The following ADAMTS6 variants were observed in gnomAD, a reference collection of about 807,000 sequenced individuals.
ADAMTS6 encodes the protein ADAM metallopeptidase with thrombospondin type 1 motif 6.
A neutral mutation model predicts 144.3 loss-of-function variants in ADAMTS6; 23 were observed. The ratio of observed to expected loss-of-function variants is 0.16; its 90% CI spans 0.11 to 0.23. The LOEUF (loss-of-function observed/expected upper bound fraction) is 0.23, where lower values mean the gene tolerates loss of function less well. ADAMTS6 is among the 10% of genes least tolerant of loss of function. ADAMTS6 has a pLI of 1.00. For missense variants in ADAMTS6, 999 were observed against 1,379.6 expected (o/e 0.72, Z 4.37); for synonymous variants, 444 against 457.5 (o/e 0.97, Z 0.38).
chr5:65,448,493 C>T lies in ADAMTS6; in HGVS notation c.1073+2982G>A, dbSNP rs896593786. ...TTTTTTTTTTTTGCTCTCTCTGTCACCCAGGCTGGAGTGCAGTTGTGCGAT... is the reference window on the plus strand; with the variant it reads ...TTTTTTTTTTTTGCTCTCTCTGTCATCCAGGCTGGAGTGCAGTTGTGCGAT... On this transcript the variant is annotated intron_variant, in intron 7 of 24. Transcript: ENST00000381055. Among the ~76,000 whole-genome samples, 7 of 151,772 alleles carry T rather than the reference C, an allele frequency of 4.6e-5. No homozygotes were observed. In the South Asian group the frequency reaches 1.0e-3, roughly 23 times the overall value.
chr5:65,362,832 A>G (rs1041292367), intron 7 of ADAMTS6, among the ~76,000 whole-genome samples: 1 of 152,242 alleles, frequency 6.6e-6, no homozygotes, highest in Non-Finnish European at 1.5e-5. Flanking sequence ...GCAATCAAAT[A>G]GAGCTATCCT....
intron 14 of ADAMTS6, among the ~76,000 whole-genome samples, chr5:65,252,599 CTAATT>C (rs926434829): frequency 3.3e-5 from 5 of 150,760 alleles, no homozygotes; most frequent in African/African-American, 1.2e-4. Context: ...CTCTGATCTT[CTAATT>C]TATTATATTT....
intron 14 of ADAMTS6, among the ~76,000 whole-genome samples, chr5:65,259,682 GA>G (rs559732822): frequency 1.8e-3 from 278 of 152,254 alleles, no homozygotes; most frequent in African/African-American, 6.4e-3. Context: ...AGTCTTTTGA[GA>G]AATTTTGTTT....
chr5:65,188,350 G>T, intron 21 of ADAMTS6, 130 bp from the exon 22 acceptor site: 2 of 829,444 alleles, frequency 2.4e-6, no homozygotes, highest in South Asian at 1.7e-5. Context: ...AAGACAAATG[G>T]CAAATGAAAG....
chr5:65,421,874 GA>G (rs1368559286), intron 7 of ADAMTS6, among the ~76,000 whole-genome samples: 1 of 152,064 alleles, frequency 6.6e-6, no homozygotes, highest in East Asian at 1.9e-4. Flanking sequence ...GAAAACCTAG[GA>G]AAAACTCTTA....
In ADAMTS6 at chr5:65,188,147, T is replaced by C. The variant is rs775661117; in HGVS notation, c.2779A>G (p.Ile927Val). The C allele has an allele frequency of 5.0e-6, 8 of 1,614,062 alleles. No individual in the cohort carries two copies. Among genetic ancestry groups the C allele is most frequent in the South Asian group, 2.2e-5 (2 of 91,088 alleles). Reference protein sequence around the residue: ...GGMRTRAVLCIRKIGPSEEET... With the variant: ...GGMRTRAVLCVRKIGPSEEET... ...TCCTCAGAAGGTCCGATCTTCCTGATGCAGAGCACTGCCCTTGTGCGCATC... is the reference window on the plus strand; with the variant it reads ...TCCTCAGAAGGTCCGATCTTCCTGACGCAGAGCACTGCCCTTGTGCGCATC... Residue 927 changes from isoleucine to valine, a missense_variant, in exon 22 of 25, where the codon ATC becomes GTC. Physicochemically the swap from Ile to Val is conservative, Grantham distance 29. Around this residue, in one of 3 missense-constraint regions of ADAMTS6, gnomAD observed 619 missense variants for 837.0 expected, o/e 0.74. Transcript: ENST00000381055.
chr5:65,270,980 G>C (rs1009513556), intron 12 of ADAMTS6, among the ~76,000 whole-genome samples: 1 of 151,968 alleles, frequency 6.6e-6, no homozygotes, highest in Non-Finnish European at 1.5e-5. Context: ...AGGGTTTATG[G>C]ATCAAAAAGT....
chr5:65,412,221 G>A (rs1311581355), intron 7 of ADAMTS6, among the ~76,000 whole-genome samples: 6 of 152,026 alleles, frequency 3.9e-5, no homozygotes, highest in South Asian at 4.1e-4. Flanking sequence ...TTTTTAAAAT[G>A]AAAATGGGAA....
chr5:65,299,567 G>GT (rs1389123495), intron 10 of ADAMTS6, among the ~76,000 whole-genome samples: 52 of 151,072 alleles, frequency 3.4e-4, no homozygotes, highest in South Asian at 1.7e-3. Context: ...TTGGTGTTTG[G>GT]TTTTTTTTTG....
intron 11 of ADAMTS6, among the ~76,000 whole-genome samples, chr5:65,281,907 T>C (rs894808402): frequency 2.0e-5 from 3 of 152,166 alleles, no homozygotes; most frequent in African/African-American, 7.2e-5. Context: ...GTTTTCATTA[T>C]TTTTAAGAAA....
chr5:65,413,416 A>G (rs1755235095), intron 7 of ADAMTS6, among the ~76,000 whole-genome samples: 1 of 152,150 alleles, frequency 6.6e-6, no homozygotes, highest in African/African-American at 2.4e-5. Flanking sequence ...CATAACAAAC[A>G]TGGCAGGGAT....
intron 11 of ADAMTS6, among the ~76,000 whole-genome samples, chr5:65,278,804 TG>T (rs2112690507): frequency 6.6e-6 from 1 of 152,346 alleles, no homozygotes; most frequent in South Asian, 2.1e-4. Context: ...CATTTTTTAA[TG>T]ATATTTAAAT....
intron 7 of ADAMTS6, among the ~76,000 whole-genome samples, chr5:65,428,063 T>C (rs182145394): frequency 1.3e-5 from 2 of 151,566 alleles, no homozygotes; most frequent in East Asian, 2.0e-4. Context: ...CCGTCTCTAC[T>C]AAAAATACAA....
At chr5:65,368,480 G>A (rs917892647) in intron 7 of ADAMTS6, among the ~76,000 whole-genome samples, 5 of 152,178 alleles carry the variant, frequency 3.3e-5, no homozygotes, top group African/African-American at 1.2e-4. Flanking sequence ...TACTCTCAGG[G>A]AGAAGCCCCT....
chr5:65,456,501 C>G (rs1220520598), intron 4 of ADAMTS6, among the ~76,000 whole-genome samples: 1 of 152,096 alleles, frequency 6.6e-6, no homozygotes, highest in Non-Finnish European at 1.5e-5. Context: ...GTTCATAGTA[C>G]TTACTACTTC....
chr5:65,370,162 C>A (rs1750717441), intron 7 of ADAMTS6, among the ~76,000 whole-genome samples: 1 of 152,168 alleles, frequency 6.6e-6, no homozygotes, highest in African/African-American at 2.4e-5. Context: ...GTAATCCCAG[C>A]ACTCTGGGAG....
At chr5:65,232,415 T>C (rs565054681) in intron 15 of ADAMTS6, among the ~76,000 whole-genome samples, 2 of 151,784 alleles carry the variant, frequency 1.3e-5, no homozygotes, top group East Asian at 1.9e-4. Flanking sequence ...ATAAACAAAA[T>C]TGAGTTGATT....
intron 7 of ADAMTS6, among the ~76,000 whole-genome samples, chr5:65,402,131 A>G (rs1024500761): frequency 2.0e-5 from 3 of 151,990 alleles, no homozygotes; most frequent in Non-Finnish European, 4.4e-5. Flanking sequence ...CAAGTTTACC[A>G]CTTTTCACTG....
intron 7 of ADAMTS6, among the ~76,000 whole-genome samples, chr5:65,351,610 A>T (rs946423649): frequency 1.2e-4 from 18 of 152,176 alleles, no homozygotes; most frequent in African/African-American, 4.1e-4. Context: ...TATGCCAGAT[A>T]AAATACCAAG....
Sources: allele counts gnomAD v4.1 joint callset (sites outside exome capture counted in the v4.1 genomes callset), GRCh38; gene constraint gnomAD v4.1.1; regional missense constraint gnomAD v4.1.1; transcripts MANE v1.5; gene names NCBI Gene and HGNC (gene_info 2026-07-23, HGNC 2026-07-21).